The following SLC6A3 variants were observed in gnomAD, a reference collection of about 807,000 sequenced individuals.
SLC6A3 encodes solute carrier family 6 member 3.
SLC6A3 carries 19 observed loss-of-function variants against 70.4 expected under a neutral mutation model. The ratio of observed to expected loss-of-function variants is 0.27; its 90% CI spans 0.19 to 0.40. SLC6A3 has a LOEUF of 0.40. Among genes scored for constraint, SLC6A3 ranks in the 10% least tolerant of loss-of-function variants. The pLI, the probability that SLC6A3 is intolerant of heterozygous loss-of-function variation, is 1.00. For missense variants in SLC6A3, 613 were observed against 838.5 expected (o/e 0.73, Z 3.32); for synonymous variants, 368 against 356.6 (o/e 1.03, Z -0.36).
At chr5:1,434,917 G>A (rs1020103912) in intron 3 of SLC6A3, among the ~76,000 whole-genome samples, 56 of 152,312 alleles carry the variant, frequency 3.7e-4, no homozygotes, top group African/African-American at 1.2e-3. Context: ...TCAGGAGTGC[G>A]GGTAATCCCC....
rs556413220 is a variant in SLC6A3, at chr5:1,444,155, A to G, written c.-45-913T>C. Among the ~76,000 whole-genome samples the G allele has an allele frequency of 3.3e-5, 5 of 152,306 alleles. No homozygotes were observed. The South Asian group carries it at 1.0e-3, about 32-fold the overall frequency. On this transcript the variant is annotated intron_variant, in intron 1 of 14. Coordinates refer to ENST00000270349, the MANE Select transcript of SLC6A3 (RefSeq NM_001044.5). The stretch of plus-strand genomic sequence containing the variant: ...CAGGTGGCACCACCCCGCGTGAGAG[A>G]GCTGGGCGGAGGATGGACAGGGCTT...
rs373686040 is a variant in SLC6A3, at chr5:1,394,223, G to A, written c.*512C>T. On this transcript the variant is annotated 3_prime_UTR_variant, in exon 15 of 15. Coordinates refer to ENST00000270349, the MANE Select transcript of SLC6A3 (RefSeq NM_001044.5). The surrounding 1 kb of genome is among the most constrained non-coding windows in gnomAD (Gnocchi z 4.7). ...CACGCATCGGGAAAGGACTTTGCAT[G>A]AATTTGTGGTTTCCTCCATTTCACC... The A allele has an allele frequency of 4.1e-5, 8 of 194,244 alleles. No homozygotes were observed. In the East Asian group the frequency reaches 7.6e-4, roughly 18 times the overall value. 12.0% of individuals were successfully genotyped at this position (194,244 alleles called of 1,614,324 possible).
At position 1,442,836 on chromosome 5, in the gene SLC6A3, G is replaced by T. The variant is rs937528252; in HGVS notation, c.286+76C>A. 40 of 1,462,268 alleles carry T rather than the reference G, an allele frequency of 2.7e-5. No individual in the cohort carries two copies. In the Admixed American group the frequency reaches 6.4e-4, roughly 23 times the overall value. 90.6% of individuals were successfully genotyped at this position (1,462,268 alleles called of 1,614,324 possible). ...ATGGGAACAGCTTCATCTCGTTTCC[G>T]TACGTGCCTTGGCCCCGGCTGCCCC... On this transcript the variant is annotated intron_variant, in intron 2 of 14. Transcript: ENST00000270349. This position sits in a 1 kb window ranked among gnomAD's most constrained non-coding sequence, Gnocchi z 5.0.
At chr5:1,430,965 T>C (rs1373561884) in intron 4 of SLC6A3, among the ~76,000 whole-genome samples, 3 of 152,356 alleles carry the variant, frequency 2.0e-5, no homozygotes, top group Non-Finnish European at 4.4e-5. Flanking sequence ...CATTTTGGCA[T>C]ATAAACGTGA....
In SLC6A3 at chr5:1,397,294, G is replaced by A. The variant is rs1262008319; in HGVS notation, c.1840-2536C>T. ...AAAAATAAAAAGAAACCAAATTAAC[G>A]GTGGTGGGTGCCTGCAGTCCCAGCT... On this transcript the variant is annotated intron_variant, in intron 14 of 14. Transcript: ENST00000270349. The surrounding 1 kb of genome is among the most constrained non-coding windows in gnomAD (Gnocchi z 4.7). 6.6e-6 allele frequency among the ~76,000 whole-genome samples: 1 copy of A among 152,140 alleles called. No homozygotes were observed. Among genetic ancestry groups the A allele is most frequent in the African/African-American group, 2.4e-5 (1 of 41,418 alleles).
In SLC6A3 at chr5:1,401,347, C is replaced by G; in HGVS notation, c.1768-361G>C. ...GCTGGGCTCTGAGTAAGAAAGTGCC[C>G]ACACCCAGGTGGGCTGCCTCGGGGC... On this transcript the variant is annotated intron_variant, in intron 13 of 14. Coordinates refer to ENST00000270349, the MANE Select transcript of SLC6A3 (RefSeq NM_001044.5). This position sits in a 1 kb window ranked among gnomAD's most constrained non-coding sequence, Gnocchi z 6.1. 1 of 505,008 alleles carries G rather than the reference C, an allele frequency of 2.0e-6. No individual in the cohort carries two copies. 31.3% of individuals were successfully genotyped at this position (505,008 alleles called of 1,614,324 possible).
rs1453253368 is a variant in SLC6A3 at position 1,393,815 on chromosome 5, T to C, written c.*920A>G. On this transcript the variant is annotated 3_prime_UTR_variant, in exon 15 of 15. Transcript: ENST00000270349. Reference sequence around the variant, plus strand: ...GGGCCCTGCATGCGTCCTGGGGTAGTACACGCTCCTGTGGGGGCCCTGCAT... The same window carrying C: ...GGGCCCTGCATGCGTCCTGGGGTAGCACACGCTCCTGTGGGGGCCCTGCAT... The C allele has an allele frequency of 8.5e-6, 1 of 117,634 alleles. No homozygotes were observed. The highest frequency in any genetic ancestry group is 1.7e-5 in the Non-Finnish European group (1 of 58,614). The allele number at this position is 117,634 out of a possible 1,614,324, so 7.3% of individuals were successfully genotyped here.
chr5:1,442,904 G>T lies in SLC6A3; in HGVS notation c.286+8C>A. The T allele has an allele frequency of 1.2e-6, 2 of 1,614,124 alleles. No individual in the cohort carries two copies. Among genetic ancestry groups the T allele is most frequent in the Non-Finnish European group, 1.7e-6 (2 of 1,179,980 alleles). On this transcript the variant is annotated splice_region_variant and intron_variant, in intron 2 of 14. Coordinates refer to ENST00000270349, the MANE Select transcript of SLC6A3 (RefSeq NM_001044.5). The surrounding 1 kb of genome is among the most constrained non-coding windows in gnomAD (Gnocchi z 5.0). ...CAGCATGCTCAGGGAGGCTGAGATG[G>T]GACTTACCGCCACCATTTTTGTAGC...
chr5:1,400,491 C>T (rs1755822539), intron 14 of SLC6A3, among the ~76,000 whole-genome samples: 1 of 152,138 alleles, frequency 6.6e-6, no homozygotes, highest in Non-Finnish European at 1.5e-5. Flanking sequence ...CTCTCCCAGC[C>T]CCTCCAGGGC....
chr5:1,424,218 C>T (rs180883588), intron 4 of SLC6A3, among the ~76,000 whole-genome samples: 1 of 152,376 alleles, frequency 6.6e-6, no homozygotes, highest in Non-Finnish European at 1.5e-5. Context: ...CAAGGGCAAG[C>T]CGCTCAGTCA....
intron 11 of SLC6A3, among the ~76,000 whole-genome samples, chr5:1,407,643 T>A (rs1756015752): frequency 6.6e-6 from 1 of 152,210 alleles, no homozygotes. Context: ...CTTCTCCCCA[T>A]CTCCCGTGGT....
At chr5:1,423,598 C>T (rs1477855675) in intron 4 of SLC6A3, among the ~76,000 whole-genome samples, 1 of 152,196 alleles carries the variant, frequency 6.6e-6, no homozygotes, top group East Asian at 1.9e-4. Flanking sequence ...TTGAAGGATC[C>T]CTCAGAAAGG....
rs541889405 is a variant in SLC6A3, at chr5:1,437,104, A to T, written c.418+4255T>A. ...GTCTCTACTAAAAATACAAAAAATTAGCGGGGCGTGGTGGCACGCACCTGT... is the reference window on the plus strand; with the variant it reads ...GTCTCTACTAAAAATACAAAAAATTTGCGGGGCGTGGTGGCACGCACCTGT... On this transcript the variant is annotated intron_variant, in intron 3 of 14. Transcript: ENST00000270349. This position sits in a 1 kb window ranked among gnomAD's most constrained non-coding sequence, Gnocchi z 4.8. Among the ~76,000 whole-genome samples the T allele has an allele frequency of 6.6e-6, 1 of 152,188 alleles. No homozygotes were observed. The highest frequency in any genetic ancestry group is 2.1e-4 in the South Asian group (1 of 4,816).
chr5:1,439,204 G>A (rs1756910912), intron 3 of SLC6A3, among the ~76,000 whole-genome samples: 1 of 152,084 alleles, frequency 6.6e-6, no homozygotes. Flanking sequence ...CGGGGACGGA[G>A]GCATGTTCTG....
At chr5:1,398,890 G>A (rs1410808219) in intron 14 of SLC6A3, among the ~76,000 whole-genome samples, 5 of 152,190 alleles carry the variant, frequency 3.3e-5, no homozygotes, top group Non-Finnish European at 5.9e-5. Flanking sequence ...ATATACTATC[G>A]AGGAAGAATA....
Position 1,421,747 on chromosome 5 carries a change from C to T in SLC6A3, c.792+129G>A, listed in dbSNP as rs1171149227. 2 of 1,000,822 alleles carry T rather than the reference C, an allele frequency of 2.0e-6. No homozygotes were observed. The highest frequency in any genetic ancestry group is 3.2e-5 in the African/African-American group (2 of 63,372). The allele number at this position is 1,000,822 out of a possible 1,614,324, so 62.0% of individuals were successfully genotyped here. ...ACCATGGCCATGTGTCCACCCCAAC[C>T]TGGCCATGGCCACATTGGTAGCACA... On this transcript the variant is annotated intron_variant, in intron 5 of 14. Coordinates refer to ENST00000270349, the MANE Select transcript of SLC6A3 (RefSeq NM_001044.5). This position sits in a 1 kb window ranked among gnomAD's most constrained non-coding sequence, Gnocchi z 7.2.
chr5:1,420,760 A>G, intron 5 of SLC6A3, 57 bp from the exon 6 acceptor site: 1 of 1,599,844 alleles, frequency 6.3e-7, no homozygotes, highest in South Asian at 1.1e-5. Flanking sequence ...GTGGGAGCAG[A>G]CACTGGCACA....
rs905393484 is a variant in SLC6A3 at position 1,402,081 on chromosome 5, G to A, written c.1767+841C>T. On this transcript the variant is annotated intron_variant, in intron 13 of 14. Coordinates refer to ENST00000270349, the MANE Select transcript of SLC6A3 (RefSeq NM_001044.5). The surrounding 1 kb of genome is among the most constrained non-coding windows in gnomAD (Gnocchi z 8.5). ...TGTCTGAGCCCAGGGGACACCGTGT[G>A]GCCCTAAGGTGGAATCCTTGAACAC... is the stretch of plus-strand genomic sequence containing the variant. Among the ~76,000 whole-genome samples the A allele has an allele frequency of 1.4e-4, 22 of 152,182 alleles. No individual in the cohort carries two copies. The highest frequency in any genetic ancestry group is 4.3e-4 in the African/African-American group (18 of 41,450).
At position 1,436,692 on chromosome 5, in the gene SLC6A3, G is replaced by A. The variant is rs554503111; in HGVS notation, c.419-3994C>T. Among the ~76,000 whole-genome samples, 7 of 152,282 alleles carry A rather than the reference G, an allele frequency of 4.6e-5. No homozygotes were observed. The South Asian group carries it at 1.2e-3, about 27-fold the overall frequency. ...AATCGAATGGTGGGGTTTCCAGGGC[G>A]TCTGTAAAATGGGGTTGCCCTTGGC... On this transcript the variant is annotated intron_variant, in intron 3 of 14. Transcript: ENST00000270349. The surrounding 1 kb of genome is among the most constrained non-coding windows in gnomAD (Gnocchi z 5.2).
Sources: allele counts gnomAD v4.1 joint callset (sites outside exome capture counted in the v4.1 genomes callset), GRCh38; gene constraint gnomAD v4.1.1; non-coding constraint Gnocchi (gnomAD v3.1); transcripts MANE v1.5; gene names NCBI Gene and HGNC (gene_info 2026-07-23, HGNC 2026-07-21).